The following C21orf58 variants were observed in gnomAD, a reference collection of about 807,000 sequenced individuals.
C21orf58 encodes chromosome 21 open reading frame 58, also known as uncharacterized protein C21orf58.
Under a neutral mutation model 35.8 loss-of-function variants are expected in C21orf58, and 34 were observed. That is an observed-to-expected ratio of 0.95 (90% CI 0.72 to 1.26). C21orf58 has a LOEUF of 1.26. Among genes scored for constraint, C21orf58 ranks in the 50% most tolerant of loss-of-function variants. C21orf58 has a pLI of 0.00. For missense variants in C21orf58, 440 were observed against 414.3 expected, an observed-to-expected ratio of 1.06 and a Z score of -0.54; for synonymous variants, 191 against 175.8, an observed-to-expected ratio of 1.09 and a Z score of -0.68.
chr21:46,300,999 C>T (rs1729651202), downstream of C21orf58: 1 of 895,362 alleles, frequency 1.1e-6, no homozygotes, highest in Non-Finnish European at 1.5e-6. Context: ...CCTTCCACTG[C>T]CCAGCACTCA....
At chr21:46,317,374 G>A in intron 2 of C21orf58, 106 bp from the exon 3 acceptor site, 1 of 1,534,628 alleles carries the variant, frequency 6.5e-7, no homozygotes, top group Non-Finnish European at 8.7e-7. Flanking sequence ...GGTACGTCAG[G>A]AGTAACCCAG....
Position 46,310,503 on chromosome 21 carries a change from A to T in C21orf58, c.721+953T>A, listed in dbSNP as rs995413153. ...AGAACAAAAAAAATAAAAATAAAAA[A>T]AAAAAACAAAACTTGTCAAATTGGG... On this transcript the variant is annotated intron_variant, in intron 6 of 7. Transcript: ENST00000291691. Among the ~76,000 whole-genome samples, 18 of 151,830 alleles carry T rather than the reference A, an allele frequency of 1.2e-4. 1 individual carries two copies. The highest frequency in any genetic ancestry group is 3.4e-3 in the Middle Eastern group (1 of 294).
At chr21:46,320,387 C>A (rs2083114228) in intron 1 of C21orf58, among the ~76,000 whole-genome samples, 1 of 151,778 alleles carries the variant, frequency 6.6e-6, no homozygotes, top group African/African-American at 2.4e-5. Context: ...GAGGTGTGAG[C>A]CATAGCACCT....
Position 46,318,922 on chromosome 21 carries a change from A to C in C21orf58, c.101-702T>G, listed in dbSNP as rs142399420. The C allele has an allele frequency of 5.0e-5, 46 of 918,304 alleles. No individual in the cohort carries two copies. In the East Asian group the frequency reaches 5.1e-3, roughly 101 times the overall value. The allele number at this position is 918,304 out of a possible 1,614,324, so 56.9% of individuals were successfully genotyped here. On this transcript the variant is annotated intron_variant, in intron 1 of 7. Coordinates refer to ENST00000291691, the MANE Select transcript of C21orf58 (RefSeq NM_058180.5). ...GAGTTAGTCAATCCCACTAGCAGGCAGACTGACATGTGGGGGATGTCAGCA... is the reference window on the plus strand; with the variant it reads ...GAGTTAGTCAATCCCACTAGCAGGCCGACTGACATGTGGGGGATGTCAGCA...
At position 46,322,728 on chromosome 21, in the gene C21orf58, G is replaced by C. The variant is rs142976085; in HGVS notation, c.11C>G (p.Ser4Cys). MAR[S>C]RLPATSLRKP... ...CCTGAGGGAGGTTGCAGGGAGCCGA[G>C]ATCGCGCCATTGCGCTATAGCCTGG... Residue 4 changes from serine to cysteine, a missense_variant, in exon 1 of 8, where the codon TCT (serine) becomes TGT (cysteine). Physicochemically the swap from Ser to Cys is moderately radical, Grantham distance 112 (BLOSUM62 -1). Transcript: ENST00000291691. 584 of 1,541,236 alleles carry C rather than the reference G, an allele frequency of 3.8e-4. 1 individual carries two copies. In the African/African-American group the frequency reaches 6.6e-3, roughly 17 times the overall value.
intron 6 of C21orf58, among the ~76,000 whole-genome samples, chr21:46,303,707 AAATATATATATATAT>A (rs1569115940): frequency 8.6e-3 from 355 of 41,202 alleles, no homozygotes; most frequent in Non-Finnish European, 0.012. Context: ...CACACACACA[AAATATATATATATAT>A]ATATATATAT....
Position 46,301,716 on chromosome 21 carries a change from A to G in C21orf58, c.*283T>C, listed in dbSNP as rs2082113956. 2 of 1,187,660 alleles carry G rather than the reference A, an allele frequency of 1.7e-6. No individual in the cohort carries two copies. The highest frequency in any genetic ancestry group is 2.1e-6 in the Non-Finnish European group (2 of 960,060). 73.6% of individuals were successfully genotyped at this position (1,187,660 alleles called of 1,614,324 possible). A position where few individuals can be genotyped will look rare whatever the true frequency, so the allele number is the denominator to read the frequency against. On this transcript the variant is annotated 3_prime_UTR_variant, in exon 8 of 8. Transcript: ENST00000291691. ...CTCCCAGGTGGGCCGGCGCCGCCCT[A>G]CAGGAAAGGAGGGGTCCCTGGGAGG...
At chr21:46,315,121 T>C (rs2082924277) in intron 4 of C21orf58, 1 of 1,171,016 alleles carries the variant, frequency 8.5e-7, no homozygotes, top group Non-Finnish European at 1.2e-6. Flanking sequence ...CTGTTCTCTC[T>C]TTCAAGCCAG....
chr21:46,303,708 A>AAATATATAT (rs2082238536), intron 6 of C21orf58, among the ~76,000 whole-genome samples: 1 of 37,286 alleles, frequency 2.7e-5, no homozygotes, highest in African/African-American at 1.0e-4. Context: ...ACACACACAA[A>AAATATATAT]ATATATATAT....
intron 3 of C21orf58, among the ~76,000 whole-genome samples, chr21:46,315,986 C>T (rs932646417): frequency 6.6e-6 from 1 of 152,096 alleles, no homozygotes; most frequent in Non-Finnish European, 1.5e-5. Flanking sequence ...TCTGCACATC[C>T]CTCAAGTCTG....
At chr21:46,304,575 A>G (rs2082329726) in intron 6 of C21orf58, among the ~76,000 whole-genome samples, 1 of 152,198 alleles carries the variant, frequency 6.6e-6, no homozygotes, top group South Asian at 2.1e-4. Flanking sequence ...ATGAACTTCC[A>G]TAAGATGCCC....
rs1432448436 is a variant in C21orf58, at chr21:46,322,876, G to A, written c.-138C>T. On this transcript the variant is annotated 5_prime_UTR_variant, in exon 1 of 8. Transcript: ENST00000291691. ...TGCAAGGTGAGCTTGCGTCAGCGAG[G>A]AGCCACTCCAGCACGCTCGGGAAGG... 2 of 559,766 alleles carry A rather than the reference G, an allele frequency of 3.6e-6. No individual in the cohort carries two copies. Among genetic ancestry groups the A allele is most frequent in the African/African-American group, 3.9e-5 (2 of 51,614 alleles). The allele number at this position is 559,766 out of a possible 1,614,324, so 34.7% of individuals were successfully genotyped here.
rs917050125 is a variant in C21orf58 at position 46,314,234 on chromosome 21, C to T, written c.609+482G>A. On this transcript the variant is annotated intron_variant, in intron 5 of 7. Coordinates refer to ENST00000291691, the MANE Select transcript of C21orf58 (RefSeq NM_058180.5). ...CTGGGACTACAGGCATGCACCACCA[C>T]GCCCAGCTAATTTTTGTATTTTTAG... 7.2e-5 allele frequency among the ~76,000 whole-genome samples: 11 copies of T among 151,752 alleles called. 1 individual carries two copies. The highest frequency in any genetic ancestry group is 1.7e-4 in the African/African-American group (7 of 41,368).
chr21:46,316,629 T>C (rs2082986939), intron 3 of C21orf58, among the ~76,000 whole-genome samples: 1 of 151,584 alleles, frequency 6.6e-6, no homozygotes. Context: ...CTTGGGGGGG[T>C]CCCCAAACCC....
intron 1 of C21orf58, among the ~76,000 whole-genome samples, chr21:46,322,126 T>C (rs2083180893): frequency 1.3e-5 from 2 of 151,982 alleles, no homozygotes; most frequent in African/African-American, 2.4e-5. Flanking sequence ...CTGTGTCTAC[T>C]AAAAATACAA....
intron 7 of C21orf58, 52 bp downstream of exon 7, chr21:46,302,433 C>T (rs2082147850): frequency 2.1e-6 from 3 of 1,412,310 alleles, no homozygotes; most frequent in Middle Eastern, 2.1e-4. Context: ...AGAAGAAAAA[C>T]CACCCAGGCC....
At chr21:46,311,746 C>CCCA in intron 5 of C21orf58, 179 bp from the exon 6 acceptor site, 1 of 411,760 alleles carries the variant, frequency 2.4e-6, no homozygotes, top group South Asian at 3.9e-5. Flanking sequence ...CAACCATCCA[C>CCCA]CCACTCATCC....
intron 6 of C21orf58, among the ~76,000 whole-genome samples, chr21:46,309,996 AAAAATAAAAT>A (rs991229014): frequency 1.3e-5 from 2 of 152,080 alleles, no homozygotes; most frequent in Admixed American, 6.6e-5. Context: ...ACTCTGTCTC[AAAAATAAAAT>A]AAAATAAAAT....
At chr21:46,316,007 C>T (rs1371409516) in intron 3 of C21orf58, among the ~76,000 whole-genome samples, 1 of 152,042 alleles carries the variant, frequency 6.6e-6, no homozygotes, top group Non-Finnish European at 1.5e-5. Context: ...CCCCCTAGTC[C>T]GGGCGTGGTG....
Sources: allele counts gnomAD v4.1 joint callset (sites outside exome capture counted in the v4.1 genomes callset), GRCh38; gene constraint gnomAD v4.1.1; transcripts MANE v1.5; gene names NCBI Gene and HGNC (gene_info 2026-07-23, HGNC 2026-07-21).